Variants in RARB observed in about 807,000 individuals in gnomAD.
RARB encodes retinoic acid receptor beta.
Under a neutral mutation model 51.9 loss-of-function variants are expected in RARB, and 17 were observed. The observed-to-expected ratio is 0.33, with a 90% confidence interval of 0.22 to 0.49. The LOEUF is 0.49. Ranked by LOEUF, RARB falls within the 20% of genes least tolerant of loss-of-function variation. RARB has a pLI of 0.99. For missense variants in RARB, 369 were observed against 550.8 expected (o/e 0.67, Z 3.30); for synonymous variants, 215 against 195.4 (o/e 1.10, Z -0.84).
intron 2 of RARB, among the ~76,000 whole-genome samples, chr3:25,056,183 A>C (rs1440307434): frequency 6.6e-6 from 1 of 152,098 alleles, no homozygotes; most frequent in Non-Finnish European, 1.5e-5. Context: ...CAAACTAGGC[A>C]GCCTAAATTA....
intron 4 of RARB, among the ~76,000 whole-genome samples, chr3:25,578,865 C>G (rs1174876708): frequency 6.6e-6 from 1 of 152,186 alleles, no homozygotes; most frequent in African/African-American, 2.4e-5. Context: ...AGGTGGGGAA[C>G]TAAAGATATC....
intron 2 of RARB, among the ~76,000 whole-genome samples, chr3:24,960,137 C>G (rs1299097008): frequency 1.3e-5 from 2 of 152,176 alleles, no homozygotes; most frequent in African/African-American, 4.8e-5. Flanking sequence ...CTTTCAGGTT[C>G]TACCTCCTGA....
At chr3:25,403,292 T>C (rs971847209) in intron 5 of RARB, among the ~76,000 whole-genome samples, 1 of 152,180 alleles carries the variant, frequency 6.6e-6, no homozygotes, top group African/African-American at 2.4e-5. Flanking sequence ...TAATGATAAA[T>C]GCTTGAGGGG....
chr3:25,098,482 T>A (rs1051404369), intron 3 of RARB, among the ~76,000 whole-genome samples: 47 of 152,182 alleles, frequency 3.1e-4, no homozygotes, highest in African/African-American at 1.1e-3. Context: ...CTGTGTAATA[T>A]TGGGTAAAGA....
At chr3:24,995,071 G>T (rs1696993156) in intron 2 of RARB, among the ~76,000 whole-genome samples, 1 of 152,114 alleles carries the variant, frequency 6.6e-6, no homozygotes, top group South Asian at 2.1e-4. Flanking sequence ...TTTGTAGATT[G>T]CTTTGAGTAG....
intron 5 of RARB, among the ~76,000 whole-genome samples, chr3:25,267,030 C>G (rs569017535): frequency 6.6e-6 from 1 of 152,332 alleles, no homozygotes; most frequent in South Asian, 2.1e-4. Flanking sequence ...AATTTTCCCC[C>G]TTTCTAAATG....
chr3:25,329,919 T>C (rs1478423149), intron 5 of RARB, among the ~76,000 whole-genome samples: 1 of 152,044 alleles, frequency 6.6e-6, no homozygotes. Flanking sequence ...GTATCAGTGA[T>C]TGAAGATCAA....
intron 2 of RARB, among the ~76,000 whole-genome samples, chr3:25,022,436 T>G (rs1266613574): frequency 1.3e-5 from 2 of 152,232 alleles, no homozygotes; most frequent in African/African-American, 4.8e-5. Context: ...TATATGCATA[T>G]TTTATCACCG....
intron 2 of RARB, among the ~76,000 whole-genome samples, chr3:25,474,233 A>G (rs1695845144): frequency 6.6e-6 from 1 of 152,072 alleles, no homozygotes; most frequent in Non-Finnish European, 1.5e-5. Flanking sequence ...TATTAGTCAA[A>G]CCCAGTAGGG....
At chr3:25,261,632 C>T (rs906262096) in intron 5 of RARB, among the ~76,000 whole-genome samples, 2 of 152,134 alleles carry the variant, frequency 1.3e-5, no homozygotes, top group African/African-American at 4.8e-5. Context: ...TGGCTGGCAG[C>T]TGCATGTGTC....
At chr3:25,313,180 C>T (rs1704332559) in intron 5 of RARB, among the ~76,000 whole-genome samples, 1 of 152,128 alleles carries the variant, frequency 6.6e-6, no homozygotes, top group African/African-American at 2.4e-5. Context: ...CTTGGAAGTT[C>T]CCCTCTTATG....
chr3:25,434,037 G>A (rs1386025241), intron 1 of RARB, among the ~76,000 whole-genome samples: 5 of 152,150 alleles, frequency 3.3e-5, no homozygotes, highest in Admixed American at 2.6e-4. Context: ...GGACCATTTA[G>A]TAAGATAAGA....
chr3:25,343,114 A>C (rs1410166093), intron 5 of RARB, among the ~76,000 whole-genome samples: 1 of 148,502 alleles, frequency 6.7e-6, no homozygotes, highest in Non-Finnish European at 1.5e-5. Flanking sequence ...TTTTAGGTGC[A>C]GTTTTAAAGG....
chr3:25,238,161 C>T (rs540846726), intron 5 of RARB, among the ~76,000 whole-genome samples: 1 of 151,738 alleles, frequency 6.6e-6, no homozygotes, highest in African/African-American at 2.4e-5. Context: ...CCCCCCCACA[C>T]ATCCTTCCCA....
chr3:25,319,986 G>A (rs555007198), intron 5 of RARB, among the ~76,000 whole-genome samples: 26 of 151,980 alleles, frequency 1.7e-4, no homozygotes, highest in African/African-American at 5.5e-4. Context: ...TGGAACAGTG[G>A]GGACATTTTC....
chr3:25,159,227 G>A (rs534634563), intron 4 of RARB, among the ~76,000 whole-genome samples: 15 of 133,420 alleles, frequency 1.1e-4, no homozygotes, highest in South Asian at 9.9e-4. Flanking sequence ...GCAATGGCGC[G>A]ATCTCGGCTC....
chr3:24,978,415 A>G (rs1456069760), intron 2 of RARB, among the ~76,000 whole-genome samples: 1 of 152,158 alleles, frequency 6.6e-6, no homozygotes, highest in Non-Finnish European at 1.5e-5. Context: ...GCTATTAATT[A>G]TTGCCTCAAT....
chr3:25,495,084 C>T (rs55984921), intron 2 of RARB, among the ~76,000 whole-genome samples: 5,658 of 152,182 alleles, frequency 0.037, 335 homozygotes, highest in African/African-American at 0.13. Flanking sequence ...TCCACATGTG[C>T]CTGAACTAGA....
chr3:25,369,645 A>G (rs1706238118), intron 5 of RARB, among the ~76,000 whole-genome samples: 1 of 152,166 alleles, frequency 6.6e-6, no homozygotes, highest in Admixed American at 6.5e-5. Flanking sequence ...TTTCATGGCC[A>G]GGCGCGGTGG....
Sources: gnomAD v4.1 joint callset for allele counts (sites outside exome capture counted in the v4.1 genomes callset) on GRCh38, gnomAD v4.1.1 for gene constraint, MANE v1.5 for transcripts, NCBI Gene and HGNC (gene_info 2026-07-23, HGNC 2026-07-21) for gene names.